Variants in EHD2 observed in about 807,000 individuals in gnomAD.
EHD2 encodes the protein EH domain containing 2.
Under a neutral mutation model 41.0 loss-of-function variants are expected in EHD2, and 27 were observed. That is an observed-to-expected ratio of 0.66 (90% confidence interval 0.49 to 0.91). The LOEUF is 0.91. EHD2 is among the 40% of genes least tolerant of loss of function. The probability of loss-of-function intolerance (pLI) is 0.00; values close to 1 mark genes in which losing one functional copy is unlikely to be tolerated. For missense variants in EHD2, 673 were observed against 773.9 expected (o/e 0.87, Z 1.55); for synonymous variants, 342 against 341.0 (o/e 1.00, Z -0.03).
rs1435164927 is a variant in EHD2 at position 47,726,224 on chromosome 19, A to G, written c.915A>G (p.Arg305=). ...TGGTGAAGAGGGCCCGGCTGGTGCG[A>G]GTGAGTAGTCCTGAGGGCTGGGCGC... ...NDLVKRARLV[R]VHAYIISYLK... The change falls in exon 4 of 6, where the codon CGA becomes CGG. Residue 305 remains arginine (R), a splice_region_variant and synonymous_variant. Coordinates refer to ENST00000263277, the MANE Select transcript of EHD2 (RefSeq NM_014601.4). The G allele has an allele frequency of 8.0e-6, 12 of 1,504,208 alleles. No individual in the cohort carries two copies. The highest frequency in any genetic ancestry group is 2.4e-5 in the Admixed American group (1 of 42,242). The allele number at this position is 1,504,208 out of a possible 1,614,324, so 93.2% of individuals were successfully genotyped here. A position where few individuals can be genotyped will look rare whatever the true frequency, so the allele number is the denominator to read the frequency against.
At chr19:47,731,286 A>ATATATATG (rs1555793908) in intron 4 of EHD2, 5 of 88,010 alleles carry the variant, frequency 5.7e-5, no homozygotes, top group South Asian at 5.0e-4. Flanking sequence ...AAAAATATAT[A>ATATATATG]TATATATATA....
intron 4 of EHD2, chr19:47,731,279 A>AATATATATATATATATGT (rs1973807769): frequency 3.3e-5 from 2 of 60,928 alleles, no homozygotes; most frequent in African/African-American, 4.9e-5. Context: ...AAAAAAAAAA[A>AATATATATATATATATGT]ATATATATAT....
rs1203773142 is a variant in EHD2, at chr19:47,725,926, C to T, written c.617C>T (p.Ala206Val). Reference sequence around the variant, plus strand: ...GACGAGTTCTCAGAGGCCATCGGCGCGTTGCGGGGCCATGAGGACAAGATC... The same window carrying T: ...GACGAGTTCTCAGAGGCCATCGGCGTGTTGCGGGGCCATGAGGACAAGATC... Reference protein sequence around the residue: ...ISDEFSEAIGALRGHEDKIRV... With the variant: ...ISDEFSEAIGVLRGHEDKIRV... Residue 206 changes from alanine to valine, a missense_variant, in exon 4 of 6, where the codon GCG becomes GTG. Ala to Val is a moderately conservative substitution (Grantham distance 64). Transcript: ENST00000263277. 1 of 1,613,862 alleles carries T rather than the reference C, an allele frequency of 6.2e-7. No individual in the cohort carries two copies. Among genetic ancestry groups the T allele is most frequent in the Admixed American group, 1.7e-5 (1 of 60,012 alleles).
In EHD2 at chr19:47,716,973, C is replaced by T; in HGVS notation, c.361C>T (p.Pro121Ser). The T allele has an allele frequency of 6.2e-7, 1 of 1,604,120 alleles. No individual in the cohort carries two copies. Residue 121 changes from proline to serine, a missense_variant, in exon 2 of 6, where the codon CCC becomes TCC. By Grantham distance (74) the Pro-to-Ser change is moderately conservative (BLOSUM62 -1). Transcript: ENST00000263277. ...GNALVVDPDK[P>S]FRKLNPFGNT... Reference sequence around the variant, plus strand: ...CGCCCTCGTCGTGGACCCGGACAAGCCCTTCCGCAAACTCAACCCTTTCGG... The same window carrying T: ...CGCCCTCGTCGTGGACCCGGACAAGTCCTTCCGCAAACTCAACCCTTTCGG...
intron 1 of EHD2, among the ~76,000 whole-genome samples, chr19:47,715,076 AATAAAAAG>A (rs1215155137): frequency 7.4e-5 from 11 of 148,876 alleles, no homozygotes; most frequent in Middle Eastern, 3.5e-3. Flanking sequence ...TAAATAAATA[AATAAAAAG>A]AAAGAAAAGC....
chr19:47,716,369 G>A (rs976532223), intron 1 of EHD2, among the ~76,000 whole-genome samples, 189 bp from the exon 2 acceptor site: 5 of 151,864 alleles, frequency 3.3e-5, no homozygotes, highest in African/African-American at 4.8e-5. Flanking sequence ...GAGCCATCGC[G>A]CCTGGCCCAA....
At chr19:47,716,275 C>T (rs1425387375) in intron 1 of EHD2, among the ~76,000 whole-genome samples, 2 of 151,772 alleles carry the variant, frequency 1.3e-5, no homozygotes, top group Non-Finnish European at 2.9e-5. Context: ...GGGGGTCTCA[C>T]TATTTTACCC....
At chr19:47,740,602 T>C (rs898431673) in intron 5 of EHD2, among the ~76,000 whole-genome samples, 30 of 151,796 alleles carry the variant, frequency 2.0e-4, no homozygotes, top group Admixed American at 2.0e-3. Flanking sequence ...AAAAATTAGC[T>C]GGGCATGGTG....
intron 3 of EHD2, among the ~76,000 whole-genome samples, chr19:47,718,829 G>A (rs562362974): frequency 6.7e-6 from 1 of 148,748 alleles, no homozygotes; most frequent in East Asian, 2.0e-4. Flanking sequence ...AGGGGCTGGG[G>A]GCCTGGACTC....
intron 4 of EHD2, chr19:47,729,501 G>A: frequency 6.6e-6 from 1 of 152,646 alleles, no homozygotes. Context: ...GACAGGCCTT[G>A]GGGAGGGAGA....
At chr19:47,714,280 C>T (rs985546285) in intron 1 of EHD2, among the ~76,000 whole-genome samples, 1 of 152,116 alleles carries the variant, frequency 6.6e-6, no homozygotes, top group Non-Finnish European at 1.5e-5. Context: ...TTCTTCCCTG[C>T]CCCCGCCCTG....
Position 47,716,711 on chromosome 19 carries a change from GC to G in EHD2, c.100del (p.Leu34CysfsTer132). 1 of 1,612,910 alleles carries G rather than the reference GC, an allele frequency of 6.2e-7. No homozygotes were observed. Among genetic ancestry groups the G allele is most frequent in the Non-Finnish European group, 8.5e-7 (1 of 1,179,608 alleles). ...TCAAGGAGCTGTACCGCACGAAGCT[GC>G]TGCCGCTGGAGGAGCACTACCGCTT... ...ALKELYRTKLLPLEEHYRFGA... is the reference protein window; with the variant it reads ...ALKELYRTKLXPLEEHYRFGA... On this transcript the variant is annotated frameshift_variant, in exon 2 of 6. Coordinates refer to ENST00000263277, the MANE Select transcript of EHD2 (RefSeq NM_014601.4). LOFTEE classifies it high-confidence loss of function.
chr19:47,735,003 G>A (rs572436008), intron 4 of EHD2, among the ~76,000 whole-genome samples: 8 of 152,268 alleles, frequency 5.3e-5, no homozygotes, highest in Non-Finnish European at 1.2e-4. Flanking sequence ...AGTGAGACAA[G>A]GTTGCGCCAC....
chr19:47,736,171 C>T (rs890450240), intron 4 of EHD2, among the ~76,000 whole-genome samples, 198 bp from the exon 5 acceptor site: 5 of 151,648 alleles, frequency 3.3e-5, no homozygotes, highest in South Asian at 2.1e-4. Context: ...ACTCCAGCCT[C>T]GGTGACAGAG....
chr19:47,730,364 C>T (rs1973795917), intron 4 of EHD2, among the ~76,000 whole-genome samples: 1 of 152,018 alleles, frequency 6.6e-6, no homozygotes, highest in Non-Finnish European at 1.5e-5. Context: ...TCCTTCAGAC[C>T]ATTAGGCACT....
At chr19:47,731,297 T>TATAC (rs1228953205) in intron 4 of EHD2, 3 of 95,024 alleles carry the variant, frequency 3.2e-5, no homozygotes, top group Middle Eastern at 9.5e-3. Context: ...TATATATATA[T>TATAC]ATATACATAT....
At chr19:47,740,354 G>A (rs955499619) in intron 5 of EHD2, among the ~76,000 whole-genome samples, 3 of 152,058 alleles carry the variant, frequency 2.0e-5, no homozygotes, top group East Asian at 1.9e-4. Flanking sequence ...CCAGAGGATC[G>A]TTTGAGGCTG....
intron 5 of EHD2, among the ~76,000 whole-genome samples, chr19:47,737,282 G>A (rs888845348): frequency 3.3e-5 from 5 of 150,650 alleles, no homozygotes; most frequent in African/African-American, 9.7e-5. Context: ...GAAAAGAGTA[G>A]TCTCTTTAAG....
chr19:47,725,885 C>G lies in EHD2; in HGVS notation c.576C>G (p.His192Gln). 3 of 1,613,666 alleles carry G rather than the reference C, an allele frequency of 1.9e-6. No individual in the cohort carries two copies. The highest frequency in any genetic ancestry group is 2.5e-6 in the Non-Finnish European group (3 of 1,179,618). The change falls in exon 4 of 6, where the codon CAC becomes CAG. Residue 192 changes from histidine to glutamine, a missense_variant. His to Gln is a conservative substitution (Grantham distance 24). Coordinates refer to ENST00000263277, the MANE Select transcript of EHD2 (RefSeq NM_014601.4). ...VDLIILLFDA[H>Q]KLEISDEFSE... is the part of the protein sequence containing the mutation. ...TCATCATCCTGCTCTTTGATGCGCA[C>G]AAGCTGGAGATCTCGGACGAGTTCT...
Sources: allele counts gnomAD v4.1 joint callset (sites outside exome capture counted in the v4.1 genomes callset), GRCh38; gene constraint gnomAD v4.1.1; transcripts MANE v1.5; gene names NCBI Gene and HGNC (gene_info 2026-07-23, HGNC 2026-07-21).